Variants in GSG1L observed in about 807,000 individuals in gnomAD.
GSG1L encodes the protein GSG1 like.
Under a neutral mutation model 42.1 loss-of-function variants are expected in GSG1L, and 24 were observed. The ratio of observed to expected loss-of-function variants is 0.57; its 90% CI spans 0.41 to 0.80. GSG1L has a LOEUF of 0.80. Among genes scored for constraint, GSG1L ranks in the 30% least tolerant of loss-of-function variants. The probability of loss-of-function intolerance (pLI) is 0.00; values close to 1 mark genes in which losing one functional copy is unlikely to be tolerated. For synonymous variants in GSG1L, 215 were observed against 203.5 expected, an observed-to-expected ratio of 1.06 and a Z score of -0.48; for missense variants, 445 against 472.2, an observed-to-expected ratio of 0.94 and a Z score of 0.53.
At chr16:27,860,463 C>A (rs1392239748) in intron 3 of GSG1L, among the ~76,000 whole-genome samples, 1 of 152,208 alleles carries the variant, frequency 6.6e-6, no homozygotes, top group Non-Finnish European at 1.5e-5. Context: ...ACAGCTGCTC[C>A]CCGTTGCAGA....
intron 2 of GSG1L, among the ~76,000 whole-genome samples, chr16:27,954,516 C>T (rs1358454162): frequency 1.3e-5 from 2 of 152,164 alleles, no homozygotes; most frequent in Non-Finnish European, 2.9e-5. Context: ...CCAGGCCCCC[C>T]ATTTGATTCC....
rs1447374929 is a variant in GSG1L, at chr16:28,046,417, G to T, written c.349+16659C>A. Among the ~76,000 whole-genome samples, 11 of 131,342 alleles carry T rather than the reference G, an allele frequency of 8.4e-5. No homozygotes were observed. In the East Asian group the frequency reaches 2.6e-3, roughly 31 times the overall value. The allele number at this position is 131,342 out of a possible 152,430, so 86.2% of individuals were successfully genotyped here. On this transcript the variant is annotated intron_variant, in intron 1 of 6. Transcript: ENST00000447459. ...CACCCAGGCTGGAGTGCAGTAGTGT[G>T]ATCTCAGCTCACTGCAAGCTCCGCC...
chr16:27,967,360 CCTCTCTT>C (rs2085146948), intron 1 of GSG1L, among the ~76,000 whole-genome samples: 1 of 152,188 alleles, frequency 6.6e-6, no homozygotes, highest in Non-Finnish European at 1.5e-5. Flanking sequence ...GGAGGTGCTT[CCTCTCTT>C]ATTTATGTCA....
chr16:28,056,815 G>A (rs1428347001), intron 1 of GSG1L, among the ~76,000 whole-genome samples: 2 of 152,046 alleles, frequency 1.3e-5, no homozygotes, highest in African/African-American at 4.8e-5. Context: ...ATGATAGAGA[G>A]AAGACAGTGT....
intron 2 of GSG1L, among the ~76,000 whole-genome samples, chr16:27,936,022 A>G (rs935404644): frequency 6.6e-6 from 1 of 151,114 alleles, no homozygotes; most frequent in Non-Finnish European, 1.5e-5. Flanking sequence ...AGACCCCTTC[A>G]TCCCAGGACC....
At chr16:27,800,579 G>A (rs114109199) in intron 6 of GSG1L, among the ~76,000 whole-genome samples, 15 of 152,184 alleles carry the variant, frequency 9.9e-5, no homozygotes, top group African/African-American at 3.4e-4. Flanking sequence ...GGCTGGTGGC[G>A]CCACAAAGCC....
chr16:27,874,386 G>A (rs1173503691), intron 3 of GSG1L, among the ~76,000 whole-genome samples: 4 of 145,084 alleles, frequency 2.8e-5, no homozygotes, highest in South Asian at 2.2e-4. Flanking sequence ...TCCATCAATC[G>A]TGCCTATGTC....
chr16:27,951,008 G>C (rs1225636810), intron 2 of GSG1L, among the ~76,000 whole-genome samples: 1 of 152,148 alleles, frequency 6.6e-6, no homozygotes, highest in Non-Finnish European at 1.5e-5. Context: ...TTCAAGAACA[G>C]AGCGAGGTTA....
chr16:27,893,579 C>T (rs1282211621), intron 2 of GSG1L, among the ~76,000 whole-genome samples: 1 of 152,064 alleles, frequency 6.6e-6, no homozygotes, highest in African/African-American at 2.4e-5. Context: ...AATAATTTTT[C>T]CTTTTCCTTT....
At chr16:27,817,322 C>T (rs1264652941) in intron 5 of GSG1L, among the ~76,000 whole-genome samples, 1 of 152,180 alleles carries the variant, frequency 6.6e-6, no homozygotes, top group East Asian at 1.9e-4. Flanking sequence ...TGTTCTCCAC[C>T]CTATATGGTT....
intron 2 of GSG1L, among the ~76,000 whole-genome samples, chr16:27,910,057 C>T (rs1596606036): frequency 6.7e-6 from 1 of 149,186 alleles, no homozygotes; most frequent in South Asian, 2.1e-4. Flanking sequence ...CCTCCCAGGT[C>T]CAAGAGATTC....
chr16:27,851,221 G>C, intron 3 of GSG1L, among the ~76,000 whole-genome samples: 1 of 152,158 alleles, frequency 6.6e-6, no homozygotes, highest in East Asian at 1.9e-4. Flanking sequence ...TTTTAAGACA[G>C]GGTCTCGCTC....
At chr16:27,865,222 C>G (rs957890068) in intron 3 of GSG1L, among the ~76,000 whole-genome samples, 1 of 152,172 alleles carries the variant, frequency 6.6e-6, no homozygotes, top group African/African-American at 2.4e-5. Flanking sequence ...CCACTGTGCT[C>G]TAGGTCTACG....
chr16:27,888,168 A>G (rs2141027956), intron 2 of GSG1L: 2 of 983,232 alleles, frequency 2.0e-6, no homozygotes, highest in Non-Finnish European at 2.4e-6. Context: ...TCCCCCACGC[A>G]GCCCCCACAC....
At chr16:27,916,033 C>G (rs2141057781) in intron 2 of GSG1L, among the ~76,000 whole-genome samples, 1 of 152,360 alleles carries the variant, frequency 6.6e-6, no homozygotes, top group Non-Finnish European at 1.5e-5. Context: ...ACACTCTCCC[C>G]TTCTGCAGAA....
intron 2 of GSG1L, among the ~76,000 whole-genome samples, chr16:27,895,080 A>C (rs1230147300): frequency 6.6e-6 from 1 of 152,180 alleles, no homozygotes; most frequent in Non-Finnish European, 1.5e-5. Flanking sequence ...CTCTCCGCAG[A>C]GTGAGTAGAT....
chr16:27,971,276 G>A (rs1285503187), intron 1 of GSG1L, among the ~76,000 whole-genome samples: 4 of 152,132 alleles, frequency 2.6e-5, no homozygotes, highest in African/African-American at 9.7e-5. Context: ...TCAAATCCAT[G>A]AACATGGGAT....
At chr16:27,885,473 C>T (rs141128233) in intron 2 of GSG1L, among the ~76,000 whole-genome samples, 1 of 152,268 alleles carries the variant, frequency 6.6e-6, no homozygotes, top group African/African-American at 2.4e-5. Context: ...AGTATGCCAC[C>T]TCACACACAC....
chr16:27,906,461 TG>T (rs1391193962), intron 2 of GSG1L, among the ~76,000 whole-genome samples: 3 of 152,160 alleles, frequency 2.0e-5, no homozygotes, highest in Non-Finnish European at 4.4e-5. Context: ...GTGGCCTTCC[TG>T]GTTCTTACCC....
Sources: allele counts gnomAD v4.1 joint callset (sites outside exome capture counted in the v4.1 genomes callset), GRCh38; gene constraint gnomAD v4.1.1; transcripts MANE v1.5; gene names NCBI Gene and HGNC (gene_info 2026-07-23, HGNC 2026-07-21).